Variants in SV2C observed in about 807,000 individuals in gnomAD.
SV2C encodes synaptic vesicle glycoprotein 2C, also known as solute carrier family 22 member B3.
In SV2C, 49 loss-of-function variants were observed where a neutral mutation model predicts 79.7. The ratio of observed to expected loss-of-function variants is 0.61; its 90% CI spans 0.49 to 0.78. SV2C has a LOEUF of 0.78. Ranked by LOEUF, SV2C falls within the 30% of genes least tolerant of loss-of-function variation. SV2C has a pLI of 0.00. For synonymous variants in SV2C, 334 were observed against 333.2 expected, an observed-to-expected ratio of 1.00 and a Z score of -0.03; for missense variants, 833 against 912.9, an observed-to-expected ratio of 0.91 and a Z score of 1.13.
At chr5:75,877,611 AAT>A in the SV2C span, among the ~76,000 whole-genome samples, 3,745 of 150,000 alleles carry the variant, frequency 0.025, 154 homozygotes, top group African/African-American at 0.082. Flanking sequence ...AAAAAAAAAA[AAT>A]CAAATTGAAA....
chr5:75,867,849 C>T, the SV2C span, among the ~76,000 whole-genome samples: 26 of 152,228 alleles, frequency 1.7e-4, no homozygotes, highest in Admixed American at 1.5e-3. Flanking sequence ...GTGAGATCTG[C>T]GATTCATTTA....
the SV2C span, among the ~76,000 whole-genome samples, chr5:75,954,732 C>T: frequency 6.7e-6 from 1 of 150,234 alleles, no homozygotes; most frequent in Non-Finnish European, 1.5e-5. Flanking sequence ...AAATCACAAG[C>T]ATTCTTATAC....
intron 12 of SV2C, among the ~76,000 whole-genome samples, chr5:76,313,342 C>T (rs2913260): frequency 0.09 from 13,631 of 152,084 alleles, 674 homozygotes; most frequent in Admixed American, 0.14. Context: ...TTTCCTTATA[C>T]GCCTTATCAT....
At chr5:76,185,297 C>CT (rs1743878492) in intron 2 of SV2C, among the ~76,000 whole-genome samples, 1 of 152,224 alleles carries the variant, frequency 6.6e-6, no homozygotes. Flanking sequence ...ATGGTGCAAG[C>CT]TGTTGGCAGA....
At chr5:75,918,857 T>C in the SV2C span, among the ~76,000 whole-genome samples, 1 of 152,230 alleles carries the variant, frequency 6.6e-6, no homozygotes. Flanking sequence ...AGCACATTTT[T>C]GTAACTGGAA....
At chr5:76,219,896 G>C (rs1745018380) in intron 4 of SV2C, among the ~76,000 whole-genome samples, 1 of 152,206 alleles carries the variant, frequency 6.6e-6, no homozygotes, top group Non-Finnish European at 1.5e-5. Context: ...AGTGATGTCA[G>C]GCATTTACTG....
At chr5:75,902,988 A>G in the SV2C span, among the ~76,000 whole-genome samples, 2 of 152,170 alleles carry the variant, frequency 1.3e-5, no homozygotes, top group Non-Finnish European at 2.9e-5. Context: ...TATATGTTAG[A>G]GCTAATCTTC....
At chr5:75,984,083 G>A in the SV2C span, among the ~76,000 whole-genome samples, 1 of 152,052 alleles carries the variant, frequency 6.6e-6, no homozygotes, top group East Asian at 1.9e-4. Context: ...TCAGAAGAGT[G>A]TCTGATCGAA....
At chr5:76,208,255 AATG>A (rs1360010819) in intron 3 of SV2C, among the ~76,000 whole-genome samples, 14 of 152,232 alleles carry the variant, frequency 9.2e-5, no homozygotes, top group African/African-American at 2.9e-4. Flanking sequence ...AATTTCATGA[AATG>A]ATACTTATGC....
At chr5:75,969,901 A>G in the SV2C span, among the ~76,000 whole-genome samples, 2 of 152,136 alleles carry the variant, frequency 1.3e-5, no homozygotes, top group Admixed American at 6.5e-5. Flanking sequence ...CACCTATTCC[A>G]AAATTGACCA....
At chr5:75,990,245 C>T in the SV2C span, among the ~76,000 whole-genome samples, 1 of 151,820 alleles carries the variant, frequency 6.6e-6, no homozygotes, top group African/African-American at 2.4e-5. Context: ...AATGGTATTG[C>T]TTAGATTTCC....
rs572538660 is a variant in SV2C at position 76,279,881 on chromosome 5, C to T, written c.914-5281C>T. Among the ~76,000 whole-genome samples the T allele has an allele frequency of 4.2e-4, 64 of 152,194 alleles. 1 individual carries two copies. The South Asian group carries it at 0.013, about 30-fold the overall frequency. The stretch of plus-strand genomic sequence containing the variant: ...GAGGAACAGATACTTACAGGAGTTC[C>T]GTCCTTGAGGGAAAGAGAAGGATGA... On this transcript the variant is annotated intron_variant, in intron 4 of 12. Transcript: ENST00000502798.
At chr5:76,011,992 C>A in the SV2C span, among the ~76,000 whole-genome samples, 1 of 152,120 alleles carries the variant, frequency 6.6e-6, no homozygotes, top group Non-Finnish European at 1.5e-5. Flanking sequence ...GCCACATTTT[C>A]TTTATCCAGT....
At chr5:76,238,445 C>G (rs1028523386) in intron 4 of SV2C, among the ~76,000 whole-genome samples, 1 of 151,906 alleles carries the variant, frequency 6.6e-6, no homozygotes, top group African/African-American at 2.4e-5. Flanking sequence ...CGTTTTGTTC[C>G]CTGTAGTGTC....
chr5:76,352,451 A>G lies in SV2C; in HGVS notation c.2001-679A>G, dbSNP rs1749660016. Reference sequence around the variant, plus strand: ...CTGTCCTAATGAATGGATTAACGTTATCTCAAGAGTGGGTTCATTACTGCA... The same window carrying G: ...CTGTCCTAATGAATGGATTAACGTTGTCTCAAGAGTGGGTTCATTACTGCA... On this transcript the variant is annotated intron_variant, in intron 12 of 12. Transcript: ENST00000322285. 2.0e-5 allele frequency among the ~76,000 whole-genome samples: 3 copies of G among 152,174 alleles called. No individual in the cohort carries two copies. The South Asian group carries it at 6.2e-4, about 32-fold the overall frequency.
the SV2C span, chr5:76,075,723 A>C: frequency 2.8e-6 from 1 of 357,628 alleles, no homozygotes; most frequent in South Asian, 2.4e-5. Flanking sequence ...AGAAGGGCAC[A>C]AACTTCAATT....
chr5:76,001,532 G>T, the SV2C span, among the ~76,000 whole-genome samples: 327 of 152,038 alleles, frequency 2.2e-3, 1 homozygote, highest in African/African-American at 7.6e-3. Context: ...AACCCGGGAG[G>T]TGGAGCTTGC....
At chr5:76,298,685 T>A in intron 9 of SV2C, 109 bp from the exon 10 acceptor site, 1 of 1,277,362 alleles carries the variant, frequency 7.8e-7, no homozygotes, top group Non-Finnish European at 1.1e-6. Context: ...TTCTTTATAA[T>A]TAAGACAGTC....
chr5:75,877,326 C>A, the SV2C span, among the ~76,000 whole-genome samples: 2 of 151,786 alleles, frequency 1.3e-5, no homozygotes. Context: ...AATTCAACAA[C>A]AATAATTGGA....
Sources: gnomAD v4.1 joint callset for allele counts (sites outside exome capture counted in the v4.1 genomes callset) on GRCh38, gnomAD v4.1.1 for gene constraint, MANE v1.5 for transcripts, NCBI Gene and HGNC (gene_info 2026-07-23, HGNC 2026-07-21) for gene names.